ARF4: variants seen among roughly 807,000 people sequenced by gnomAD.
ARF4 encodes the protein ADP-ribosylation factor 4.
ARF4 carries 5 observed loss-of-function variants against 24.3 expected under a neutral mutation model. The ratio of observed to expected loss-of-function variants is 0.21; its 90% CI spans 0.11 to 0.43. The LOEUF is 0.43. Ranked by LOEUF, ARF4 falls within the 20% of genes least tolerant of loss-of-function variation. The probability of loss-of-function intolerance (pLI) is 1.00; values close to 1 mark genes in which losing one functional copy is unlikely to be tolerated. For synonymous variants in ARF4, 62 were observed against 73.5 expected, an observed-to-expected ratio of 0.84 and a Z score of 0.80; for missense variants, 107 against 213.0, an observed-to-expected ratio of 0.50 and a Z score of 3.10.
At chr3:57,583,864 A>C in intron 3 of ARF4, 34 bp downstream of exon 3, 1 of 1,446,728 alleles carries the variant, frequency 6.9e-7, no homozygotes, top group African/African-American at 1.4e-5. Context: ...GAAACCCACA[A>C]AGAAAAGTTA....
At position 57,571,613 on chromosome 3, in the gene ARF4, T is replaced by C. The variant is rs1191880168; in HGVS notation, c.*599A>G. ...TAAAAACCATCTAAATATCAATTCTTTGCAACCAGCACAGAACTAATTGGC... is the reference window on the plus strand; with the variant it reads ...TAAAAACCATCTAAATATCAATTCTCTGCAACCAGCACAGAACTAATTGGC... On this transcript the variant is annotated 3_prime_UTR_variant, in exon 6 of 6. Coordinates refer to ENST00000303436, the MANE Select transcript of ARF4 (RefSeq NM_001660.4). The C allele has an allele frequency of 6.5e-6, 1 of 152,684 alleles. No individual in the cohort carries two copies. Among genetic ancestry groups the C allele is most frequent in the Non-Finnish European group, 1.5e-5 (1 of 68,110 alleles). The allele number at this position is 152,684 out of a possible 1,614,324, so 9.5% of individuals were successfully genotyped here.
intron 4 of ARF4, among the ~76,000 whole-genome samples, chr3:57,577,026 A>AG (rs935012450): frequency 1.3e-5 from 2 of 151,434 alleles, no homozygotes; most frequent in Non-Finnish European, 2.9e-5. Context: ...AGCCAGAGAT[A>AG]GGCATCAAGA....
intron 1 of ARF4, among the ~76,000 whole-genome samples, chr3:57,589,714 T>C (rs1483016640): frequency 1.3e-5 from 2 of 150,534 alleles, no homozygotes; most frequent in Non-Finnish European, 3.0e-5. Context: ...CGAGACTCCG[T>C]CTCAAAAAAA....
chr3:57,589,882 G>A (rs1330588707), intron 1 of ARF4, among the ~76,000 whole-genome samples: 1 of 150,818 alleles, frequency 6.6e-6, no homozygotes, highest in East Asian at 2.0e-4. Context: ...CATGAGGCCA[G>A]GAGTTTGAAA....
At chr3:57,572,594 C>T (rs935652510) in intron 5 of ARF4, among the ~76,000 whole-genome samples, 9 of 152,182 alleles carry the variant, frequency 5.9e-5, no homozygotes, top group South Asian at 2.1e-4. Flanking sequence ...AATAAAGCCA[C>T]TTCTACCTAT....
At chr3:57,584,691 G>GT (rs536424238) in intron 1 of ARF4, among the ~76,000 whole-genome samples, 148 of 152,222 alleles carry the variant, frequency 9.7e-4, no homozygotes, top group African/African-American at 2.6e-3. Flanking sequence ...CTAGTAAAAG[G>GT]TAACAAGTAT....
intron 1 of ARF4, among the ~76,000 whole-genome samples, chr3:57,592,769 G>A (rs1381112548): frequency 6.6e-6 from 1 of 152,148 alleles, no homozygotes; most frequent in Non-Finnish European, 1.5e-5. Flanking sequence ...ATAATCAGAA[G>A]AGCCTGTTTT....
chr3:57,586,315 T>G (rs2070036130), intron 1 of ARF4, among the ~76,000 whole-genome samples: 1 of 152,218 alleles, frequency 6.6e-6, no homozygotes, highest in South Asian at 2.1e-4. Flanking sequence ...AAGCATGACT[T>G]AGCACATAAA....
rs772174333 is a variant in ARF4 at position 57,597,083 on chromosome 3, T to G, written c.58A>C (p.Ile20Leu). 1 of 1,613,862 alleles carries G rather than the reference T, an allele frequency of 6.2e-7. No homozygotes were observed. Among genetic ancestry groups the G allele is most frequent in the African/African-American group, 1.3e-5 (1 of 74,884 alleles). The stretch of plus-strand genomic sequence containing the variant: ...GCAGCCCCTCACTCACCCATCAAAA[T>G]GCGCATCTGCTTCTTGCCAAATAGT... The part of the protein sequence containing the change: ...SRLFGKKQMR[I>L]LMVGLDAAGK... Residue 20 changes from isoleucine to leucine, a missense_variant, in exon 1 of 6, where the codon ATT becomes CTT. Physicochemically the swap from Ile to Leu is conservative, Grantham distance 5. Transcript: ENST00000303436.
intron 3 of ARF4, 92 bp from the exon 4 acceptor site, chr3:57,577,479 C>A (rs1281456138): frequency 1.1e-6 from 1 of 934,640 alleles, no homozygotes; most frequent in Non-Finnish European, 1.7e-6. Flanking sequence ...AATGGTTAGA[C>A]ATTAGGAAGA....
At chr3:57,589,680 G>A (rs1211283077) in intron 1 of ARF4, among the ~76,000 whole-genome samples, 2 of 150,586 alleles carry the variant, frequency 1.3e-5, no homozygotes, top group Non-Finnish European at 3.0e-5. Flanking sequence ...ACCGCGCCAC[G>A]GCACTCCAGC....
chr3:57,577,821 C>T (rs147411837), intron 3 of ARF4, among the ~76,000 whole-genome samples: 38 of 151,830 alleles, frequency 2.5e-4, no homozygotes, highest in African/African-American at 8.7e-4. Context: ...GGCAAACGAT[C>T]AGGCCTGAAA....
chr3:57,577,222 G>A (rs2069917025), intron 4 of ARF4, 94 bp downstream of exon 4: 10 of 1,011,842 alleles, frequency 9.9e-6, no homozygotes, highest in Non-Finnish European at 1.5e-5. Flanking sequence ...ATCCATTTGT[G>A]TAATCTAATC....
At chr3:57,582,473 C>G (rs1279754524) in intron 3 of ARF4, among the ~76,000 whole-genome samples, 1 of 152,040 alleles carries the variant, frequency 6.6e-6, no homozygotes, top group Non-Finnish European at 1.5e-5. Flanking sequence ...GAACTCCTGA[C>G]CTCGTGATCC....
At chr3:57,575,744 T>C in intron 4 of ARF4, 71 bp from the exon 5 acceptor site, 1 of 1,461,912 alleles carries the variant, frequency 6.8e-7, no homozygotes, top group Non-Finnish European at 9.2e-7. Flanking sequence ...TTCCTATATA[T>C]ACTTTACTCA....
In ARF4 at chr3:57,597,271, A is replaced by C. The variant is rs141871901; in HGVS notation, c.-131T>G. The C allele has an allele frequency of 1.2e-3, 1,090 of 883,410 alleles. 6 individuals are homozygous for C. In the African/African-American group the frequency reaches 0.017, roughly 14 times the overall value. 54.7% of individuals were successfully genotyped at this position (883,410 alleles called of 1,614,324 possible). A position where few individuals can be genotyped will look rare whatever the true frequency, so the allele number is the denominator to read the frequency against. The stretch of plus-strand genomic sequence containing the variant: ...AGCGGAGGAAGAAAGAGGGAGGCAG[A>C]AACGTCTCAGTGGCCCCTGTGCCGA... On this transcript the variant is annotated 5_prime_UTR_variant, in exon 1 of 6. Transcript: ENST00000303436.
At chr3:57,575,777 T>A in intron 4 of ARF4, 104 bp from the exon 5 acceptor site, 1 of 1,245,368 alleles carries the variant, frequency 8.0e-7, no homozygotes, top group Non-Finnish European at 1.1e-6. Context: ...TTATTAAACA[T>A]TAACCTAATT....
At chr3:57,584,935 C>G (rs1317057344) in intron 1 of ARF4, among the ~76,000 whole-genome samples, 17 of 152,126 alleles carry the variant, frequency 1.1e-4, no homozygotes, top group Admixed American at 9.2e-4. Flanking sequence ...ATGATCTCAG[C>G]TCACTGTAAC....
intron 1 of ARF4, among the ~76,000 whole-genome samples, chr3:57,590,120 TAAA>T (rs1456464437): frequency 8.9e-5 from 13 of 145,846 alleles, no homozygotes; most frequent in African/African-American, 2.5e-4. Context: ...AATAAATAAA[TAAA>T]TAAATAAATA....
Sources: gnomAD v4.1 joint callset for allele counts (sites outside exome capture counted in the v4.1 genomes callset) on GRCh38, gnomAD v4.1.1 for gene constraint, MANE v1.5 for transcripts, NCBI Gene and HGNC (gene_info 2026-07-23, HGNC 2026-07-21) for gene names.